Variants in ASAP1 observed in about 807,000 individuals in gnomAD.
The protein encoded by ASAP1 is ArfGAP with SH3 domain, ankyrin repeat and PH domain 1.
In ASAP1, 43 loss-of-function variants were observed where a neutral mutation model predicts 145.2. That is an observed-to-expected ratio of 0.30 (90% CI 0.23 to 0.38). The LOEUF (loss-of-function observed/expected upper bound fraction) is 0.38. Ranked by LOEUF, ASAP1 falls within the 10% of genes least tolerant of loss-of-function variation. The pLI is 1.00. For missense variants in ASAP1, 1,018 were observed against 1,355.3 expected (o/e 0.75, Z 3.91); for synonymous variants, 546 against 515.5 (o/e 1.06, Z -0.80).
chr8:130,410,566 G>T (rs941392489), intron 1 of ASAP1, among the ~76,000 whole-genome samples: 3 of 152,252 alleles, frequency 2.0e-5, no homozygotes, highest in Non-Finnish European at 4.4e-5. Flanking sequence ...GGGAAGAAGT[G>T]CAAGTGTGGA....
chr8:130,054,537 C>T lies in ASAP1; in HGVS notation c.*194G>A, dbSNP rs980262480. 9.8e-6 allele frequency: 5 copies of T among 511,058 alleles called. No homozygotes were observed. Among genetic ancestry groups the T allele is most frequent in the Non-Finnish European group, 7.2e-6 (2 of 277,800 alleles). 31.7% of individuals were successfully genotyped at this position (511,058 alleles called of 1,614,324 possible). ...GCAAACCAGTAAGGCGCGCCGGGTC[C>T]GAGGCTACCCTCATACTGGTGAAGG... is the stretch of plus-strand genomic sequence containing the variant. On this transcript the variant is annotated 3_prime_UTR_variant, in exon 30 of 30. Transcript: ENST00000518721.
At chr8:130,087,795 T>C (rs567461477) in intron 25 of ASAP1, among the ~76,000 whole-genome samples, 2 of 152,296 alleles carry the variant, frequency 1.3e-5, no homozygotes, top group South Asian at 4.1e-4. Flanking sequence ...AGAGAGCTGC[T>C]GACAACAACT....
At chr8:130,395,443 G>A (rs1404401288) in intron 2 of ASAP1, among the ~76,000 whole-genome samples, 2 of 152,232 alleles carry the variant, frequency 1.3e-5, no homozygotes, top group East Asian at 3.9e-4. Flanking sequence ...CAGTATGACT[G>A]CTGTCCTTGT....
chr8:130,056,469 T>G (rs1465940524), intron 29 of ASAP1, among the ~76,000 whole-genome samples: 1 of 152,200 alleles, frequency 6.6e-6, no homozygotes, highest in East Asian at 1.9e-4. Context: ...CCCTGGCCAC[T>G]AAACTTCCAT....
intron 4 of ASAP1, among the ~76,000 whole-genome samples, chr8:130,235,199 T>C (rs1041316862): frequency 3.6e-4 from 55 of 152,168 alleles, no homozygotes; most frequent in African/African-American, 1.3e-3. Context: ...TAGTAGTCTA[T>C]TATATGTATA....
intron 3 of ASAP1, among the ~76,000 whole-genome samples, chr8:130,300,100 A>C (rs1189706828): frequency 1.3e-5 from 2 of 150,278 alleles, no homozygotes; most frequent in African/African-American, 4.9e-5. Context: ...CCAAACAAGA[A>C]GTAAAAGAAA....
chr8:130,311,828 G>C (rs183913690), intron 3 of ASAP1, among the ~76,000 whole-genome samples: 1 of 149,994 alleles, frequency 6.7e-6, no homozygotes, highest in African/African-American at 2.5e-5. Flanking sequence ...AAGATTTTAG[G>C]CTAAATAATA....
intron 3 of ASAP1, among the ~76,000 whole-genome samples, chr8:130,279,188 A>G (rs1293578016): frequency 6.6e-6 from 1 of 152,122 alleles, no homozygotes; most frequent in South Asian, 2.1e-4. Flanking sequence ...CACGAATCCT[A>G]CACCTTCCTC....
At chr8:130,064,828 T>C (rs1302796136) in intron 27 of ASAP1, among the ~76,000 whole-genome samples, 1 of 152,044 alleles carries the variant, frequency 6.6e-6, no homozygotes, top group African/African-American at 2.4e-5. Flanking sequence ...TGGGTTTGAC[T>C]GATTTGCTAG....
chr8:130,296,645 C>CAA (rs1388965878), intron 3 of ASAP1, among the ~76,000 whole-genome samples: 3 of 151,850 alleles, frequency 2.0e-5, no homozygotes, highest in Non-Finnish European at 1.5e-5. Flanking sequence ...GATCCTGCAT[C>CAA]AAGGAAGAAT....
chr8:130,341,044 G>A (rs1825351253), intron 3 of ASAP1: 1 of 391,260 alleles, frequency 2.6e-6, no homozygotes, highest in African/African-American at 2.1e-5. Flanking sequence ...GACATTAAAT[G>A]TGATACAGTA....
chr8:130,374,040 A>C (rs985591932), intron 2 of ASAP1, among the ~76,000 whole-genome samples: 1 of 148,712 alleles, frequency 6.7e-6, no homozygotes, highest in Non-Finnish European at 1.5e-5. Context: ...CCTTTAAAAA[A>C]AAAAAAAAAA....
intron 9 of ASAP1, among the ~76,000 whole-genome samples, chr8:130,178,757 C>T (rs898331621): frequency 1.3e-5 from 2 of 152,074 alleles, no homozygotes; most frequent in Admixed American, 6.5e-5. Flanking sequence ...GGTGTGGTGG[C>T]GTGCGCCTGT....
At chr8:130,132,836 C>T (rs2097585242) in intron 15 of ASAP1, among the ~76,000 whole-genome samples, 1 of 152,144 alleles carries the variant, frequency 6.6e-6, no homozygotes, top group Admixed American at 6.6e-5. Context: ...GTTTTCTTTC[C>T]CCACCCTGTT....
intron 11 of ASAP1, 40 bp from the exon 12 acceptor site, chr8:130,160,004 C>T (rs2097665807): frequency 1.3e-6 from 2 of 1,522,532 alleles, no homozygotes; most frequent in African/African-American, 2.7e-5. Flanking sequence ...AAACTAGAGA[C>T]AATTCTCCCA....
intron 3 of ASAP1, among the ~76,000 whole-genome samples, chr8:130,263,192 C>G (rs973862231): frequency 6.6e-6 from 1 of 152,122 alleles, no homozygotes; most frequent in African/African-American, 2.4e-5. Context: ...AGGTTCTGGA[C>G]CAAAGGGCCA....
intron 24 of ASAP1, among the ~76,000 whole-genome samples, chr8:130,109,418 A>C (rs1191577699): frequency 2.0e-5 from 3 of 152,164 alleles, no homozygotes; most frequent in Non-Finnish European, 4.4e-5. Context: ...ATTCAGAATA[A>C]TTCTTTCTCC....
At chr8:130,061,140 G>A in intron 27 of ASAP1, 71 bp from the exon 28 acceptor site, 1 of 1,507,074 alleles carries the variant, frequency 6.6e-7, no homozygotes, top group Non-Finnish European at 8.8e-7. Context: ...ACCTAAAAGA[G>A]GCACCATCAT....
chr8:130,070,820 AGGGAGAGAGG>A (rs2097441626), intron 27 of ASAP1, among the ~76,000 whole-genome samples: 24 of 62,816 alleles, frequency 3.8e-4, no homozygotes, highest in Middle Eastern at 0.019. Flanking sequence ...GAGGGGAGAG[AGGGAGAGAGG>A]GAGAGAGAGG....
Sources: allele counts gnomAD v4.1 joint callset (sites outside exome capture counted in the v4.1 genomes callset), GRCh38; gene constraint gnomAD v4.1.1; transcripts MANE v1.5; gene names NCBI Gene and HGNC (gene_info 2026-07-23, HGNC 2026-07-21).